PRKG1: variants seen among roughly 807,000 people sequenced by gnomAD.
PRKG1 encodes the protein protein kinase cGMP-dependent 1.
Under a neutral mutation model 88.1 loss-of-function variants are expected in PRKG1, and 35 were observed. The observed-to-expected ratio is 0.40, with a 90% CI of 0.30 to 0.53. The LOEUF is 0.53. Among genes scored for constraint, PRKG1 ranks in the 20% least tolerant of loss-of-function variants. PRKG1 has a pLI of 0.59. For missense variants in PRKG1, 540 were observed against 839.8 expected (o/e 0.64, Z 4.41); for synonymous variants, 303 against 292.5 (o/e 1.04, Z -0.37).
At chr10:51,390,612 T>C (rs1275656539) in intron 2 of PRKG1, among the ~76,000 whole-genome samples, 4 of 152,222 alleles carry the variant, frequency 2.6e-5, no homozygotes, top group Admixed American at 2.6e-4. Flanking sequence ...CCTTTATTAT[T>C]ACATTAGTAT....
intron 1 of PRKG1, among the ~76,000 whole-genome samples, chr10:51,044,027 C>G (rs1436855720): frequency 6.6e-6 from 1 of 152,188 alleles, no homozygotes; most frequent in African/African-American, 2.4e-5. Context: ...AAAATACTGT[C>G]TATTTTACAG....
Position 51,392,820 on chromosome 10 carries a change from C to G in PRKG1, c.479-74903C>G, listed in dbSNP as rs1490890346. Among the ~76,000 whole-genome samples, 13 of 148,626 alleles carry G rather than the reference C, an allele frequency of 8.7e-5. 1 individual carries two copies. Among genetic ancestry groups the G allele is most frequent in the Admixed American group, 8.6e-4 (13 of 15,046 alleles). On this transcript the variant is annotated intron_variant, in intron 2 of 17. Coordinates refer to ENST00000373980, the MANE Select transcript of PRKG1 (RefSeq NM_006258.4). ...CTGGCCGGGCGGGGGGCTGACCCCC[C>G]ACCTCCCTCCCAGACAGGGCGGCTG...
intron 10 of PRKG1, among the ~76,000 whole-genome samples, chr10:52,259,658 C>CTCCA (rs1841387418): frequency 1.3e-5 from 2 of 152,070 alleles, no homozygotes; most frequent in African/African-American, 4.8e-5. Context: ...TAGTCTCTAG[C>CTCCA]TCCAGCCCAC....
chr10:51,858,268 ATAT>A (rs1450978657), intron 4 of PRKG1, among the ~76,000 whole-genome samples: 1 of 15,650 alleles, frequency 6.4e-5, no homozygotes, highest in Admixed American at 8.5e-4. Flanking sequence ...CATATATATA[ATAT>A]TATACATATG....
chr10:51,608,921 A>G (rs1838833755), intron 3 of PRKG1, among the ~76,000 whole-genome samples: 1 of 152,170 alleles, frequency 6.6e-6, no homozygotes, highest in South Asian at 2.1e-4. Context: ...AAATAAGAAA[A>G]AGCTTATGGA....
chr10:51,457,728 T>C (rs896296240), intron 2 of PRKG1, among the ~76,000 whole-genome samples: 1 of 152,228 alleles, frequency 6.6e-6, no homozygotes, highest in Non-Finnish European at 1.5e-5. Flanking sequence ...TATATTTTGT[T>C]TATTCAGTCA....
chr10:51,859,831 C>G (rs1393259869), intron 4 of PRKG1, among the ~76,000 whole-genome samples: 6 of 152,156 alleles, frequency 3.9e-5, no homozygotes, highest in African/African-American at 1.4e-4. Flanking sequence ...TGTTCCAATA[C>G]TTTTCATTGT....
intron 1 of PRKG1, among the ~76,000 whole-genome samples, chr10:51,017,062 AC>A (rs1421969187): frequency 1.3e-5 from 2 of 151,406 alleles, no homozygotes; most frequent in Non-Finnish European, 2.9e-5. Context: ...ATGAGAGTTC[AC>A]TCTCTTCATG....
chr10:52,059,185 C>T (rs1488035578), intron 6 of PRKG1, among the ~76,000 whole-genome samples: 1 of 151,930 alleles, frequency 6.6e-6, no homozygotes, highest in Non-Finnish European at 1.5e-5. Context: ...AGTGAGGATG[C>T]AGAGCAACTG....
intron 5 of PRKG1, among the ~76,000 whole-genome samples, chr10:52,015,337 C>G (rs1267056504): frequency 1.3e-5 from 2 of 152,208 alleles, no homozygotes; most frequent in East Asian, 1.9e-4. Flanking sequence ...AAAGCAATAG[C>G]CTGAGCTGTA....
intron 3 of PRKG1, among the ~76,000 whole-genome samples, chr10:51,519,666 A>G (rs1018909193): frequency 1.3e-5 from 2 of 152,186 alleles, no homozygotes; most frequent in Non-Finnish European, 2.9e-5. Context: ...ATCTCATTAT[A>G]TATTTTCTAA....
intron 3 of PRKG1, among the ~76,000 whole-genome samples, chr10:51,783,973 G>C (rs1838664011): frequency 6.6e-6 from 1 of 152,108 alleles, no homozygotes; most frequent in South Asian, 2.1e-4. Context: ...GAAAGGGTTG[G>C]CTCTGGGGTT....
At chr10:51,788,324 A>G (rs370267327) in intron 3 of PRKG1, among the ~76,000 whole-genome samples, 3 of 152,162 alleles carry the variant, frequency 2.0e-5, no homozygotes, top group African/African-American at 7.2e-5. Context: ...TCTTTGCAAC[A>G]CTATGTGTCT....
chr10:52,185,531 G>A (rs1488723301), intron 9 of PRKG1, among the ~76,000 whole-genome samples: 1 of 152,176 alleles, frequency 6.6e-6, no homozygotes, highest in African/African-American at 2.4e-5. Flanking sequence ...GGGATATGGA[G>A]GGTGGAAGTC....
chr10:51,168,585 G>T (rs551509359), intron 2 of PRKG1, among the ~76,000 whole-genome samples: 23 of 152,098 alleles, frequency 1.5e-4, no homozygotes, highest in Admixed American at 3.3e-4. Context: ...GAAGTCTGGA[G>T]ACTAAGTTTG....
rs1044328693 is a variant in PRKG1, at chr10:51,544,987, T to G, written c.592+77151T>G. On this transcript the variant is annotated intron_variant, in intron 3 of 17. Coordinates refer to ENST00000373980, the MANE Select transcript of PRKG1 (RefSeq NM_006258.4). ...ATGCAAATCAAAACCACAATGAGGT[T>G]TTTTTTTTTATTTTTAATTTCCCTT... Among the ~76,000 whole-genome samples, 10 of 148,114 alleles carry G rather than the reference T, an allele frequency of 6.8e-5. 1 individual carries two copies. The highest frequency in any genetic ancestry group is 2.0e-4 in the Admixed American group (3 of 14,912).
intron 2 of PRKG1, among the ~76,000 whole-genome samples, chr10:51,404,772 G>A (rs1195540050): frequency 1.3e-5 from 2 of 152,168 alleles, no homozygotes; most frequent in East Asian, 1.9e-4. Context: ...ACTTATTAAT[G>A]TCAAATGCAC....
At chr10:52,002,577 A>G (rs1844627089) in intron 5 of PRKG1, among the ~76,000 whole-genome samples, 2 of 152,162 alleles carry the variant, frequency 1.3e-5, no homozygotes, top group Admixed American at 1.3e-4. Flanking sequence ...CTCACCCTCA[A>G]GATTGCTCCA....
chr10:51,819,112 A>C (rs1839676286), intron 4 of PRKG1, among the ~76,000 whole-genome samples: 1 of 151,238 alleles, frequency 6.6e-6, no homozygotes. Flanking sequence ...CAGGCTGTAC[A>C]AGAAGCATGA....
Sources: allele counts gnomAD v4.1 joint callset (sites outside exome capture counted in the v4.1 genomes callset), GRCh38; gene constraint gnomAD v4.1.1; transcripts MANE v1.5; gene names NCBI Gene and HGNC (gene_info 2026-07-23, HGNC 2026-07-21).